Variants in PTCSC3 observed in about 807,000 individuals in gnomAD.
The protein encoded by PTCSC3 is papillary thyroid carcinoma susceptibility candidate 3 (non-protein coding).
downstream of PTCSC3, among the ~76,000 whole-genome samples, chr14:36,135,314 C>G (rs545522172): frequency 6.6e-6 from 1 of 151,680 alleles, no homozygotes; most frequent in Non-Finnish European, 1.5e-5. Context: ...GTTAATTTAC[C>G]CTAAAGAGCC....
In PTCSC3 at chr14:36,169,575, A is replaced by T. The variant is rs941516275; in HGVS notation, n.171+6723T>A. Reference sequence around the variant, plus strand: ...GATTATATATTCAATGGCAATTTAAATGGGAAGTAGGGATGTAGGGCCAGT... The same window carrying T: ...GATTATATATTCAATGGCAATTTAATTGGGAAGTAGGGATGTAGGGCCAGT... On this transcript the variant is annotated intron_variant and non_coding_transcript_variant, in intron 1 of 3. Coordinates refer to ENST00000556013, the Ensembl canonical transcript of PTCSC3. Among the ~76,000 whole-genome samples, 5 of 152,142 alleles carry T rather than the reference A, an allele frequency of 3.3e-5. No homozygotes were observed. In the East Asian group the frequency reaches 9.6e-4, roughly 29 times the overall value.
At chr14:36,155,399 C>G (rs1407939660) in intron 2 of PTCSC3, among the ~76,000 whole-genome samples, 1 of 151,972 alleles carries the variant, frequency 6.6e-6, no homozygotes, top group Non-Finnish European at 1.5e-5. Flanking sequence ...GGTTGCTACC[C>G]CCATGCTCCA....
intron 1 of PTCSC3, among the ~76,000 whole-genome samples, chr14:36,168,037 A>G (rs1882126159): frequency 6.8e-6 from 1 of 147,308 alleles, no homozygotes; most frequent in South Asian, 2.3e-4. Flanking sequence ...GTGAATTGCA[A>G]TCCTTTTGAA....
At chr14:36,159,674 C>G (rs1345199392) in intron 2 of PTCSC3, among the ~76,000 whole-genome samples, 1 of 152,072 alleles carries the variant, frequency 6.6e-6, no homozygotes, top group Non-Finnish European at 1.5e-5. Context: ...TATGTGGTCA[C>G]TTTTAGAATA....
chr14:36,156,501 T>G (rs1881829155), intron 2 of PTCSC3, among the ~76,000 whole-genome samples: 1 of 152,080 alleles, frequency 6.6e-6, no homozygotes, highest in Non-Finnish European at 1.5e-5. Flanking sequence ...ATGTGCAGGT[T>G]TGTTGCACCC....
At chr14:36,152,020 A>AT (rs1312594767) in intron 3 of PTCSC3, among the ~76,000 whole-genome samples, 1 of 151,718 alleles carries the variant, frequency 6.6e-6, no homozygotes, top group Non-Finnish European at 1.5e-5. Context: ...AGATTTGTTG[A>AT]TTTTCAAATT....
Position 36,156,983 on chromosome 14 carries a change from C to T in PTCSC3, n.232-3089G>A, listed in dbSNP as rs188899685. ...TTCTGGTTCTAGCTCCTTGAGGAATCGCCACACTGTCTTCCACAATGGTTG... is the reference window on the plus strand; with the variant it reads ...TTCTGGTTCTAGCTCCTTGAGGAATTGCCACACTGTCTTCCACAATGGTTG... On this transcript the variant is annotated intron_variant and non_coding_transcript_variant, in intron 2 of 3. Transcript: ENST00000556013. Among the ~76,000 whole-genome samples, 492 of 152,256 alleles carry T rather than the reference C, an allele frequency of 3.2e-3. 3 individuals carry two copies. The highest frequency in any genetic ancestry group is 0.01 in the African/African-American group (432 of 41,554).
At chr14:36,168,384 TATA>T (rs1882135312) in intron 1 of PTCSC3, among the ~76,000 whole-genome samples, 1 of 143,904 alleles carries the variant, frequency 6.9e-6, no homozygotes, top group African/African-American at 2.6e-5. Flanking sequence ...TATATATATA[TATA>T]TATATATATA....
chr14:36,151,866 T>C lies in PTCSC3; in HGVS notation n.322+1938A>G, dbSNP rs550030675. ...TGAGTACATTTCAAAATTATTATTTTTACCTGTCTTTGCTGGAAGCAAGAG... is the reference window on the plus strand; with the variant it reads ...TGAGTACATTTCAAAATTATTATTTCTACCTGTCTTTGCTGGAAGCAAGAG... On this transcript the variant is annotated intron_variant and non_coding_transcript_variant, in intron 3 of 3. Coordinates refer to ENST00000556013, the Ensembl canonical transcript of PTCSC3. Among the ~76,000 whole-genome samples the C allele has an allele frequency of 2.6e-5, 4 of 152,338 alleles. No individual in the cohort carries two copies. The East Asian group carries it at 5.8e-4, about 22-fold the overall frequency.
chr14:36,159,251 T>A (rs1321739725), intron 2 of PTCSC3, among the ~76,000 whole-genome samples: 1 of 150,450 alleles, frequency 6.6e-6, no homozygotes, highest in Non-Finnish European at 1.5e-5. Flanking sequence ...TTTCCTTCAG[T>A]CCTGCTCTGA....
At chr14:36,162,364 A>C (rs1447915629) in intron 2 of PTCSC3, among the ~76,000 whole-genome samples, 6 of 150,724 alleles carry the variant, frequency 4.0e-5, no homozygotes, top group Non-Finnish European at 8.8e-5. Context: ...TGGTGTAGGC[A>C]CTGGAGGGAA....
chr14:36,159,140 C>G (rs1566508528), intron 2 of PTCSC3, among the ~76,000 whole-genome samples: 1 of 150,864 alleles, frequency 6.6e-6, no homozygotes, highest in African/African-American at 2.4e-5. Flanking sequence ...TGATTCTTCT[C>G]TCTTTTATTA....
At chr14:36,165,141 A>T (rs61996591) in intron 1 of PTCSC3, 13,327 of 152,050 alleles carry the variant, frequency 0.088, 699 homozygotes, top group Middle Eastern at 0.18. Context: ...CATCTCGCCC[A>T]TCTCAAGTCA....
chr14:36,148,359 G>C (rs6571738), intron 3 of PTCSC3, among the ~76,000 whole-genome samples: 95,129 of 151,954 alleles, frequency 0.63, 30,392 homozygotes, highest in Middle Eastern at 0.7. Flanking sequence ...GGGATATAAT[G>C]TCGTGGTGCG....
rs559510275 is a variant in PTCSC3 at position 36,147,974 on chromosome 14, C to T, written n.322+5830G>A. Among the ~76,000 whole-genome samples, 296 of 152,258 alleles carry T rather than the reference C, an allele frequency of 1.9e-3. 1 individual carries two copies. Among genetic ancestry groups the T allele is most frequent in the African/African-American group, 6.7e-3 (278 of 41,504 alleles). On this transcript the variant is annotated intron_variant and non_coding_transcript_variant, in intron 3 of 3. Coordinates refer to ENST00000556013, the Ensembl canonical transcript of PTCSC3. The stretch of plus-strand genomic sequence containing the variant: ...GGGGGTGCCTCCCAGTTAGACTGCT[C>T]GGGGGTCAGGGGTCAGGGACCCCCT...
At chr14:36,158,039 C>T (rs1049845003) in intron 2 of PTCSC3, among the ~76,000 whole-genome samples, 2 of 152,074 alleles carry the variant, frequency 1.3e-5, no homozygotes. Flanking sequence ...GGAGTTCACT[C>T]GTGATTTGGC....
chr14:36,167,816 G>A (rs1454194040), intron 1 of PTCSC3, among the ~76,000 whole-genome samples: 1 of 152,124 alleles, frequency 6.6e-6, no homozygotes, highest in Non-Finnish European at 1.5e-5. Flanking sequence ...AATGGGAACA[G>A]TACTCATTTT....
intron 3 of PTCSC3, among the ~76,000 whole-genome samples, chr14:36,140,687 TG>T (rs1483525795): frequency 3.3e-5 from 5 of 152,220 alleles, no homozygotes; most frequent in African/African-American, 1.2e-4. Context: ...GTTATCTTTT[TG>T]TGGCTCGTCT....
intron 3 of PTCSC3, among the ~76,000 whole-genome samples, chr14:36,136,848 T>C (rs1178037713): frequency 6.6e-6 from 1 of 152,122 alleles, no homozygotes; most frequent in African/African-American, 2.4e-5. Flanking sequence ...CTTCAGTAGG[T>C]CAGGAAAGAG....
Sources: gnomAD v4.1 joint callset for allele counts (sites outside exome capture counted in the v4.1 genomes callset) on GRCh38, gnomAD v4.1.1 for gene constraint, MANE v1.5 for transcripts, NCBI Gene and HGNC (gene_info 2026-07-23, HGNC 2026-07-21) for gene names.